The following CDH9 variants were observed in gnomAD, a reference collection of about 807,000 sequenced individuals.
The protein encoded by CDH9 is cadherin-9.
A neutral mutation model predicts 70.9 loss-of-function variants in CDH9; 28 were observed. The ratio of observed to expected loss-of-function variants is 0.40; its 90% confidence interval spans 0.29 to 0.54. The LOEUF is 0.54. CDH9 is among the 20% of genes least tolerant of loss of function. The pLI, the probability that CDH9 is intolerant of heterozygous loss-of-function variation, is 0.59. For missense variants in CDH9, 874 were observed against 984.4 expected, an observed-to-expected ratio of 0.89 and a Z score of 1.50; for synonymous variants, 409 against 343.1, an observed-to-expected ratio of 1.19 and a Z score of -2.12.
intron 1 of CDH9, among the ~76,000 whole-genome samples, chr5:27,032,274 T>C (rs1340663100): frequency 6.6e-6 from 1 of 151,618 alleles, no homozygotes; most frequent in Non-Finnish European, 1.5e-5. Context: ...ATATATTTAT[T>C]ACAAGTGTAA....
chr5:27,015,908 A>C (rs1743038999), intron 1 of CDH9, among the ~76,000 whole-genome samples: 1 of 151,748 alleles, frequency 6.6e-6, no homozygotes, highest in Non-Finnish European at 1.5e-5. Flanking sequence ...TTAGTTGATG[A>C]TTTTGTCATC....
At chr5:26,884,417 C>T (rs1006184655) in intron 11 of CDH9, among the ~76,000 whole-genome samples, 10 of 151,970 alleles carry the variant, frequency 6.6e-5, no homozygotes, top group African/African-American at 2.2e-4. Context: ...AATAAAACAA[C>T]GTGAAATCAG....
At chr5:26,890,374 T>G (rs1740635824) in intron 8 of CDH9, 54 bp downstream of exon 8, 1 of 1,516,664 alleles carries the variant, frequency 6.6e-7, no homozygotes, top group Non-Finnish European at 9.1e-7. Context: ...GGTGCTATTA[T>G]TTTACCACTT....
intron 3 of CDH9, among the ~76,000 whole-genome samples, chr5:26,911,393 T>A (rs1275673580): frequency 6.6e-6 from 1 of 152,172 alleles, no homozygotes; most frequent in Non-Finnish European, 1.5e-5. Flanking sequence ...CATTATTGAA[T>A]CCACACATAG....
chr5:26,898,988 A>C (rs1740802647), intron 7 of CDH9, among the ~76,000 whole-genome samples: 1 of 152,120 alleles, frequency 6.6e-6, no homozygotes, highest in Non-Finnish European at 1.5e-5. Flanking sequence ...AAAATGAACA[A>C]TCCTATCAAA....
intron 2 of CDH9, among the ~76,000 whole-genome samples, chr5:26,924,667 T>G (rs1416035478): frequency 6.6e-6 from 1 of 151,994 alleles, no homozygotes; most frequent in Admixed American, 6.6e-5. Context: ...TGATTTACAT[T>G]AGGTGTTTCT....
In CDH9 at chr5:26,889,815, GT is replaced by G. The variant is rs1561183974; in HGVS notation, c.1512+20del. The G allele has an allele frequency of 1.4e-6, 2 of 1,462,848 alleles. No homozygotes were observed. The highest frequency in any genetic ancestry group is 1.8e-5 in the Admixed American group (1 of 55,434). 90.6% of individuals were successfully genotyped at this position (1,462,848 alleles called of 1,614,324 possible). ...GTAAAGAGAAAATATATTCTTTTAA[GT>G]TTTTAATGATTTTATTTACCTGCCC... is the stretch of plus-strand genomic sequence containing the variant. On this transcript the variant is annotated intron_variant, in intron 9 of 11. Transcript: ENST00000231021.
intron 2 of CDH9, among the ~76,000 whole-genome samples, chr5:26,922,645 C>G (rs1202803463): frequency 6.6e-6 from 1 of 151,838 alleles, no homozygotes. Flanking sequence ...AAGAAATCAT[C>G]TGAAGGTACA....
At chr5:27,010,600 G>C (rs536892545) in intron 1 of CDH9, among the ~76,000 whole-genome samples, 1 of 152,230 alleles carries the variant, frequency 6.6e-6, no homozygotes, top group Admixed American at 6.6e-5. Flanking sequence ...CCTACATTGA[G>C]TGCAGGATCT....
At position 27,002,785 on chromosome 5, in the gene CDH9, G is replaced by A. The variant is rs190505565; in HGVS notation, c.-49-14403C>T. 5.2e-3 allele frequency among the ~76,000 whole-genome samples: 784 copies of A among 152,114 alleles called. 3 individuals carry two copies. Among genetic ancestry groups the A allele is most frequent in the Non-Finnish European group, 6.3e-3 (426 of 68,004 alleles). ...GGGCCTGTCGTGGGGTTGGGGGAGG[G>A]GGAGGGATAGCATTAGGAGATACAC... On this transcript the variant is annotated intron_variant, in intron 1 of 11. Transcript: ENST00000231021.
At chr5:26,967,475 T>C (rs1239321525) in intron 2 of CDH9, among the ~76,000 whole-genome samples, 2 of 152,172 alleles carry the variant, frequency 1.3e-5, no homozygotes, top group African/African-American at 4.8e-5. Context: ...AAGTTAATAT[T>C]GTTAGAGAAG....
At chr5:26,913,252 T>C (rs1253860245) in intron 3 of CDH9, among the ~76,000 whole-genome samples, 1 of 152,108 alleles carries the variant, frequency 6.6e-6, no homozygotes, top group Non-Finnish European at 1.5e-5. Flanking sequence ...TTAAACCAAA[T>C]ATAGTATCTT....
intron 1 of CDH9, among the ~76,000 whole-genome samples, chr5:27,018,111 C>G (rs1743077360): frequency 6.6e-6 from 1 of 151,598 alleles, no homozygotes; most frequent in Admixed American, 6.6e-5. Flanking sequence ...AGGTTAAGAT[C>G]TATTTTCTTT....
chr5:26,984,947 A>T (rs1483613554), intron 2 of CDH9, among the ~76,000 whole-genome samples: 1 of 152,176 alleles, frequency 6.6e-6, no homozygotes, highest in Non-Finnish European at 1.5e-5. Context: ...GCCATAAAAA[A>T]TTCTGCAGTA....
chr5:26,956,341 CT>C (rs879311496), intron 2 of CDH9, among the ~76,000 whole-genome samples: 4 of 152,114 alleles, frequency 2.6e-5, no homozygotes, highest in African/African-American at 7.2e-5. Context: ...CATTAAACCT[CT>C]TTTTTTTCTT....
At chr5:26,927,519 C>T (rs1270217609) in intron 2 of CDH9, among the ~76,000 whole-genome samples, 3 of 151,910 alleles carry the variant, frequency 2.0e-5, no homozygotes, top group Non-Finnish European at 2.9e-5. Flanking sequence ...AGACCTAGTC[C>T]GGCTCTATCA....
intron 1 of CDH9, among the ~76,000 whole-genome samples, chr5:27,033,675 T>C (rs955421596): frequency 3.3e-5 from 5 of 151,570 alleles, no homozygotes; most frequent in Admixed American, 6.6e-5. Context: ...TATGTGTTCT[T>C]TATATTGTGA....
chr5:26,974,830 G>GTA lies in CDH9; in HGVS notation c.228+13275_228+13276insTA, dbSNP rs576752927. Among the ~76,000 whole-genome samples the GTA allele has an allele frequency of 9.4e-4, 143 of 151,970 alleles. 1 individual carries two copies. The highest frequency in any genetic ancestry group is 3.5e-3 in the African/African-American group (143 of 41,436). On this transcript the variant is annotated intron_variant, in intron 2 of 11. Transcript: ENST00000231021. ...GTTACCCTTTTGTGTGTGTGTGTGT[G>GTA]TGCGTGTGTGTTGAGAAAACAATAT...
intron 1 of CDH9, among the ~76,000 whole-genome samples, chr5:26,993,868 C>G (rs984881540): frequency 3.3e-5 from 5 of 152,058 alleles, no homozygotes; most frequent in African/African-American, 9.7e-5. Flanking sequence ...TCACCCAGAA[C>G]CATGGGGATG....
Sources: allele counts gnomAD v4.1 joint callset (sites outside exome capture counted in the v4.1 genomes callset), GRCh38; gene constraint gnomAD v4.1.1; transcripts MANE v1.5; gene names NCBI Gene and HGNC (gene_info 2026-07-23, HGNC 2026-07-21).